Variants in CTSK observed in about 807,000 individuals in gnomAD.
The protein encoded by CTSK is cathepsin O.
Under a neutral mutation model 40.5 loss-of-function variants are expected in CTSK, and 26 were observed. The observed-to-expected ratio is 0.64, with a 90% CI of 0.47 to 0.89. The LOEUF is 0.89. CTSK is among the 40% of genes least tolerant of loss of function. The pLI is 0.00. For synonymous variants in CTSK, 132 were observed against 143.2 expected (o/e 0.92, Z 0.56); for missense variants, 292 against 400.1 (o/e 0.73, Z 2.30).
chr1:150,805,800 A>G, intron 4 of CTSK, 61 bp downstream of exon 4: 1 of 1,575,838 alleles, frequency 6.3e-7, no homozygotes, highest in Non-Finnish European at 8.7e-7. Context: ...AGAACAAAGC[A>G]GCAGAAAAAG....
intron 1 of CTSK, among the ~76,000 whole-genome samples, chr1:150,807,605 T>C (rs1207238147): frequency 1.3e-5 from 2 of 152,212 alleles, no homozygotes; most frequent in Non-Finnish European, 2.9e-5. Context: ...TGAAAAGCAA[T>C]GTTCTATGAT....
intron 5 of CTSK, 157 bp downstream of exon 5, chr1:150,803,864 T>C: frequency 1.4e-6 from 1 of 732,074 alleles, no homozygotes; most frequent in Non-Finnish European, 2.4e-6. Flanking sequence ...TCCCCCAGAT[T>C]GTGGAAATCT....
At chr1:150,802,468 G>T (rs1423090162) in intron 5 of CTSK, among the ~76,000 whole-genome samples, 1 of 152,014 alleles carries the variant, frequency 6.6e-6, no homozygotes, top group Admixed American at 6.6e-5. Flanking sequence ...ACCCAGGCTA[G>T]AGAGCAGTGA....
rs757964962 is a variant in CTSK at position 150,804,014 on chromosome 1, A to G, written c.618+7T>C. On this transcript the variant is annotated splice_region_variant and intron_variant, in intron 5 of 7. Coordinates refer to ENST00000271651, the MANE Select transcript of CTSK (RefSeq NM_000396.4). ...CAGAGCTGTATAATTGTGTGGAGCA[A>G]TCTCACCTGTCCCACATATGGGTAG... 1 of 1,611,024 alleles carries G rather than the reference A, an allele frequency of 6.2e-7. No homozygotes were observed. The highest frequency in any genetic ancestry group is 1.1e-5 in the South Asian group (1 of 91,028).
intron 7 of CTSK, among the ~76,000 whole-genome samples, chr1:150,798,845 C>T (rs1653924978): frequency 6.6e-6 from 1 of 152,188 alleles, no homozygotes; most frequent in African/African-American, 2.4e-5. Flanking sequence ...CCCTCTTTTG[C>T]CTTCTGCCAT....
rs1358531724 is a variant in CTSK, at chr1:150,804,086, C to T, written c.553G>A (p.Ala185Thr). Reference protein sequence around the residue: ...DGCGGGYMTNAFQYVQKNRGI... With the variant: ...DGCGGGYMTNTFQYVQKNRGI... ...CGGTTCTTCTGCACATATTGGAAGGCATTGGTCATGTAGCCCCCTCCACAG... is the reference window on the plus strand; with the variant it reads ...CGGTTCTTCTGCACATATTGGAAGGTATTGGTCATGTAGCCCCCTCCACAG... Residue 185 changes from alanine (A) to threonine (T), a missense_variant, in exon 5 of 8, where the codon GCC becomes ACC. Ala to Thr is a moderately conservative substitution (Grantham distance 58, BLOSUM62 0). Transcript: ENST00000271651. 1.9e-6 allele frequency: 3 copies of T among 1,614,158 alleles called. No homozygotes were observed. Among genetic ancestry groups the T allele is most frequent in the Non-Finnish European group, 2.5e-6 (3 of 1,180,026 alleles).
At chr1:150,807,080 T>TCACACACACACACACACACACACA (rs1171180978) in intron 1 of CTSK, among the ~76,000 whole-genome samples, 2 of 69,552 alleles carry the variant, frequency 2.9e-5, no homozygotes, top group African/African-American at 7.5e-5. Flanking sequence ...TCTCTCTCTC[T>TCACACACACACACACACACACACA]CACACACACA....
At chr1:150,801,603 A>G (rs984559155) in intron 5 of CTSK, among the ~76,000 whole-genome samples, 21 of 151,142 alleles carry the variant, frequency 1.4e-4, no homozygotes, top group Non-Finnish European at 2.2e-4. Flanking sequence ...CAGTGGTGCA[A>G]TCTCGGCTCA....
chr1:150,805,613 TG>T (rs1654071820), intron 4 of CTSK, among the ~76,000 whole-genome samples: 1 of 125,600 alleles, frequency 8.0e-6, no homozygotes, highest in Non-Finnish European at 1.6e-5. Flanking sequence ...CACTCCATCC[TG>T]GGCGACAGAG....
At chr1:150,802,176 G>A (rs1334839920) in intron 5 of CTSK, among the ~76,000 whole-genome samples, 1 of 151,546 alleles carries the variant, frequency 6.6e-6, no homozygotes, top group African/African-American at 2.4e-5. Context: ...TACTCAGGAG[G>A]CTGAGGCAGG....
intron 7 of CTSK, 37 bp from the exon 8 acceptor site, chr1:150,796,935 A>T (rs370186457): frequency 5.3e-6 from 7 of 1,323,728 alleles, no homozygotes; most frequent in Non-Finnish European, 7.7e-6. Context: ...TAGTACTCTC[A>T]GTTTATTTAT....
intron 2 of CTSK, 98 bp downstream of exon 2, chr1:150,806,588 G>A: frequency 2.6e-6 from 4 of 1,514,088 alleles, no homozygotes; most frequent in Non-Finnish European, 3.7e-6. Context: ...GATTTGCTTG[G>A]AATAAAGCAT....
chr1:150,801,614 C>A (rs1428546457), intron 5 of CTSK, among the ~76,000 whole-genome samples: 1 of 151,416 alleles, frequency 6.6e-6, no homozygotes. Context: ...TCTCGGCTCA[C>A]TGCAAGCTCC....
At position 150,796,518 on chromosome 1, in the gene CTSK, G is replaced by T; in HGVS notation, c.*281C>A. On this transcript the variant is annotated 3_prime_UTR_variant, in exon 8 of 8. Coordinates refer to ENST00000271651, the MANE Select transcript of CTSK (RefSeq NM_000396.4). Reference sequence around the variant, plus strand: ...CTGTACCTGTACAGCATCAGCCCTGGGACAACACAGTCAGGGGCAGGCTGT... The same window carrying T: ...CTGTACCTGTACAGCATCAGCCCTGTGACAACACAGTCAGGGGCAGGCTGT... 1.8e-6 allele frequency: 1 copy of T among 552,534 alleles called. No individual in the cohort carries two copies. The highest frequency in any genetic ancestry group is 3.2e-6 in the Non-Finnish European group (1 of 307,810). 34.2% of individuals were successfully genotyped at this position (552,534 alleles called of 1,614,324 possible).
chr1:150,806,235 C>T lies in CTSK; in HGVS notation c.121-11G>A. 1.2e-6 allele frequency: 2 copies of T among 1,613,748 alleles called. No homozygotes were observed. The highest frequency in any genetic ancestry group is 1.7e-5 in the Admixed American group (1 of 60,016). ...AGAGATTTCATCCACCTAAACAAAG[C>T]ATAGTCAGTACTTGTATAGACTGTC... is the stretch of plus-strand genomic sequence containing the variant. On this transcript the variant is annotated splice_polypyrimidine_tract_variant and intron_variant, in intron 2 of 7. Coordinates refer to ENST00000271651, the MANE Select transcript of CTSK (RefSeq NM_000396.4).
chr1:150,808,021 T>C (rs1654155165), intron 1 of CTSK, among the ~76,000 whole-genome samples, 193 bp downstream of exon 1: 2 of 152,194 alleles, frequency 1.3e-5, no homozygotes, highest in African/African-American at 2.4e-5. Context: ...TATGTATATA[T>C]ATAAATCATA....
chr1:150,796,849 T>C lies in CTSK; in HGVS notation c.940A>G (p.Lys314Glu). ...TTGGCAATGCCACAGGCGTTGTTCT[T>C]ATTTCGAGCCATGAGGATATATCCT... ...NKGYILMARN[K>E]NNACGIANLA... is the part of the protein sequence containing the mutation. The change falls in exon 8 of 8, where the codon AAG becomes GAG. Residue 314 changes from lysine to glutamate, a missense_variant. Transcript: ENST00000271651. The C allele has an allele frequency of 6.2e-7, 1 of 1,614,192 alleles. No homozygotes were observed. Among genetic ancestry groups the C allele is most frequent in the Non-Finnish European group, 8.5e-7 (1 of 1,180,030 alleles).
At position 150,806,799 on chromosome 1, in the gene CTSK, C is replaced by T. The variant is rs756695909; in HGVS notation, c.7G>A (p.Gly3Arg). 6.2e-7 allele frequency: 1 copy of T among 1,613,848 alleles called. No individual in the cohort carries two copies. The highest frequency in any genetic ancestry group is 1.1e-5 in the South Asian group (1 of 91,082). The stretch of plus-strand genomic sequence containing the variant: ...ACAGGTAGCAGCAGAACCTTGAGCC[C>T]CCACATCCTGCAGAAGAATGTAGTT... The part of the protein sequence containing the change: MW[G>R]LKVLLLPVVS... Residue 3 changes from glycine to arginine, a missense_variant, in exon 2 of 8, where the codon GGG (glycine) becomes AGG (arginine). By Grantham distance (125) the Gly-to-Arg change is moderately radical. Transcript: ENST00000271651.
At chr1:150,804,667 G>A (rs587670132) in intron 4 of CTSK, among the ~76,000 whole-genome samples, 1 of 152,158 alleles carries the variant, frequency 6.6e-6, no homozygotes, top group African/African-American at 2.4e-5. Flanking sequence ...ATTATTGTTT[G>A]TGCAGCTAGA....
Sources: allele counts gnomAD v4.1 joint callset (sites outside exome capture counted in the v4.1 genomes callset), GRCh38; gene constraint gnomAD v4.1.1; transcripts MANE v1.5; gene names NCBI Gene and HGNC (gene_info 2026-07-23, HGNC 2026-07-21).